Variants in MAD1L1 observed in about 807,000 individuals in gnomAD.
The protein encoded by MAD1L1 is mitotic arrest deficient 1 like 1.
A neutral mutation model predicts 96.9 loss-of-function variants in MAD1L1; 95 were observed. The ratio of observed to expected loss-of-function variants is 0.98; its 90% CI spans 0.83 to 1.16. The LOEUF is 1.16. MAD1L1 is among the 50% of genes most tolerant of loss of function. The probability of loss-of-function intolerance (pLI) is 0.00; values close to 1 mark genes in which losing one functional copy is unlikely to be tolerated. For synonymous variants in MAD1L1, 473 were observed against 396.6 expected (o/e 1.19, Z -2.29); for missense variants, 1,007 against 954.4 (o/e 1.06, Z -0.73).
rs116690659 is a variant in MAD1L1 at position 1,993,692 on chromosome 7, A to G, written c.1416+8373T>C. Among the ~76,000 whole-genome samples the G allele has an allele frequency of 2.4e-3, 369 of 152,352 alleles. 2 individuals carry two copies. The highest frequency in any genetic ancestry group is 8.1e-3 in the African/African-American group (338 of 41,584). On this transcript the variant is annotated intron_variant, in intron 14 of 18. Coordinates refer to ENST00000265854, the MANE Select transcript of MAD1L1 (RefSeq NM_001013836.2). ...CATCTTCTCAGCTACTTTTTCTAAA[A>G]TGCAGATGATCCTTACAAGGTAACG...
rs1403009357 is a variant in MAD1L1, at chr7:2,142,491, A to C, written c.1073+6661T>G. 6.6e-6 allele frequency among the ~76,000 whole-genome samples: 1 copy of C among 152,244 alleles called. No individual in the cohort carries two copies. Among genetic ancestry groups the C allele is most frequent in the Non-Finnish European group, 1.5e-5 (1 of 68,036 alleles). On this transcript the variant is annotated intron_variant, in intron 11 of 18. Transcript: ENST00000265854. The surrounding 1 kb of genome is among the most constrained non-coding windows in gnomAD (Gnocchi z 4.7). ...AGGGGGACAGGAGCAGGATACAGAC[A>C]GATCACGCGGGTTCTCTGCTGCCGG...
intron 10 of MAD1L1, among the ~76,000 whole-genome samples, chr7:2,174,549 G>A (rs1790859249): frequency 6.6e-6 from 1 of 151,940 alleles, no homozygotes; most frequent in South Asian, 2.1e-4. Flanking sequence ...CTTGTTGAAT[G>A]TGGTCCACAG....
chr7:2,209,305 T>G (rs570998329), intron 10 of MAD1L1, among the ~76,000 whole-genome samples: 2 of 152,218 alleles, frequency 1.3e-5, no homozygotes, highest in South Asian at 4.1e-4. Context: ...CCAGGGTTTA[T>G]CCAAGCCCGG....
At chr7:1,824,263 C>T (rs1247221236) in intron 18 of MAD1L1, among the ~76,000 whole-genome samples, 1 of 152,242 alleles carries the variant, frequency 6.6e-6, no homozygotes, top group Non-Finnish European at 1.5e-5. Flanking sequence ...GAGCTGCCGA[C>T]ATCGGGGGCT....
chr7:1,837,655 G>A (rs1326353404), intron 18 of MAD1L1, among the ~76,000 whole-genome samples: 3 of 152,200 alleles, frequency 2.0e-5, no homozygotes, highest in Non-Finnish European at 4.4e-5. Flanking sequence ...AACTAACTAC[G>A]CTTAGTAGAA....
intron 11 of MAD1L1, among the ~76,000 whole-genome samples, chr7:2,131,291 G>A (rs1031194148): frequency 2.6e-5 from 4 of 152,188 alleles, no homozygotes; most frequent in African/African-American, 9.7e-5. Flanking sequence ...ATGGTCTGGA[G>A]AGGCACAATC....
chr7:2,078,140 C>T (rs993557281), intron 11 of MAD1L1, among the ~76,000 whole-genome samples: 1 of 152,150 alleles, frequency 6.6e-6, no homozygotes, highest in African/African-American at 2.4e-5. Context: ...GCACGACAGA[C>T]GCAGGCTCCT....
intron 16 of MAD1L1, chr7:1,940,692 C>A (rs1393137703): frequency 6.6e-6 from 1 of 152,548 alleles, no homozygotes; most frequent in East Asian, 1.9e-4. Context: ...GCACACAAGG[C>A]CAGCATGGGC....
intron 18 of MAD1L1, among the ~76,000 whole-genome samples, chr7:1,827,317 G>T (rs55948146): frequency 1.3e-5 from 2 of 151,802 alleles, no homozygotes; most frequent in Admixed American, 6.5e-5. Flanking sequence ...AGCGGGCAGG[G>T]AGGACAGGTG....
intron 14 of MAD1L1, among the ~76,000 whole-genome samples, chr7:1,998,196 G>A (rs1040792951): frequency 2.0e-5 from 3 of 152,104 alleles, no homozygotes; most frequent in South Asian, 4.2e-4. Flanking sequence ...CTCCAGGGGC[G>A]GCCACACCCA....
chr7:2,071,023 G>A (rs1235074726), intron 11 of MAD1L1, among the ~76,000 whole-genome samples: 1 of 151,638 alleles, frequency 6.6e-6, no homozygotes, highest in Non-Finnish European at 1.5e-5. Context: ...GGTGGATGGC[G>A]CTTTCTTGGG....
intron 10 of MAD1L1, among the ~76,000 whole-genome samples, chr7:2,168,055 C>A (rs1286373968): frequency 1.3e-5 from 2 of 152,148 alleles, no homozygotes; most frequent in Admixed American, 6.5e-5. Context: ...GAGGCCGAGG[C>A]GGGTGGATCA....
Position 1,936,815 on chromosome 7 carries a change from T to C in MAD1L1, c.1679A>G (p.Asp560Gly), listed in dbSNP as rs1211125193. The change falls in exon 17 of 19, where the codon GAC becomes GGC. Residue 560 changes from aspartate to glycine, a missense_variant. Transcript: ENST00000265854. The stretch of plus-strand genomic sequence containing the variant: ...GCACTCCGCCTGCAGCTGGCTGTGG[T>C]CCTCGCGCAGGCGCTGCCTGGCCAC... ...TSVARQRLRE[D>G]HSQLQAECER... The C allele has an allele frequency of 6.3e-7, 1 of 1,599,976 alleles. No individual in the cohort carries two copies. The highest frequency in any genetic ancestry group is 1.7e-5 in the Admixed American group (1 of 57,902).
intron 10 of MAD1L1, among the ~76,000 whole-genome samples, chr7:2,173,573 C>A (rs1016107717): frequency 1.3e-5 from 2 of 152,220 alleles, no homozygotes; most frequent in South Asian, 2.1e-4. Context: ...TCCATGCTCA[C>A]CCGGCATCGG....
At chr7:1,893,464 A>G (rs115195396) in intron 18 of MAD1L1, among the ~76,000 whole-genome samples, 4,527 of 152,276 alleles carry the variant, frequency 0.03, 219 homozygotes, top group African/African-American at 0.1. Flanking sequence ...AATAAATGAC[A>G]TGGCCAGGAG....
chr7:2,115,409 C>T (rs1028953998), intron 11 of MAD1L1, among the ~76,000 whole-genome samples: 1 of 142,130 alleles, frequency 7.0e-6, no homozygotes, highest in African/African-American at 2.7e-5. Flanking sequence ...AGGGTCCCCA[C>T]GTGTTCTGGG....
intron 11 of MAD1L1, among the ~76,000 whole-genome samples, chr7:2,071,408 G>A (rs939491651): frequency 1.3e-5 from 2 of 152,244 alleles, no homozygotes; most frequent in Non-Finnish European, 2.9e-5. Context: ...CAGGACGCGG[G>A]CGTCTCATTT....
intron 10 of MAD1L1, among the ~76,000 whole-genome samples, chr7:2,189,554 A>C (rs974287718): frequency 1.3e-5 from 2 of 151,602 alleles, no homozygotes; most frequent in African/African-American, 2.4e-5. Context: ...ATAAGGACAA[A>C]TATTTCATGA....
At chr7:2,147,560 C>G (rs527284840) in intron 11 of MAD1L1, among the ~76,000 whole-genome samples, 64 of 152,236 alleles carry the variant, frequency 4.2e-4, no homozygotes, top group Non-Finnish European at 8.4e-4. Flanking sequence ...CGTCTCACCC[C>G]CAAGACCCCA....
Sources: gnomAD v4.1 joint callset for allele counts (sites outside exome capture counted in the v4.1 genomes callset) on GRCh38, gnomAD v4.1.1 for gene constraint, Gnocchi (gnomAD v3.1) non-coding constraint, MANE v1.5 for transcripts, NCBI Gene and HGNC (gene_info 2026-07-23, HGNC 2026-07-21) for gene names.